Variants in PDE11A observed in about 807,000 individuals in gnomAD.
The protein encoded by PDE11A is phosphodiesterase 11A.
In PDE11A, 100 loss-of-function variants were observed where a neutral mutation model predicts 100.5. The ratio of observed to expected loss-of-function variants is 1.00; its 90% CI spans 0.85 to 1.18. The LOEUF (loss-of-function observed/expected upper bound fraction) is 1.18. PDE11A is among the 50% of genes most tolerant of loss of function. The pLI is 0.00. For synonymous variants in PDE11A, 381 were observed against 420.8 expected, an observed-to-expected ratio of 0.91 and a Z score of 1.16; for missense variants, 1,141 against 1,152.6, an observed-to-expected ratio of 0.99 and a Z score of 0.15.
At chr2:178,001,311 T>TGTGTGTGTGTGTGTGTG (rs59287027) in intron 2 of PDE11A, among the ~76,000 whole-genome samples, 7 of 148,010 alleles carry the variant, frequency 4.7e-5, no homozygotes, top group African/African-American at 1.5e-4. Flanking sequence ...TGTGTGTGTG[T>TGTGTGTGTGTGTGTGTG]AGTAGGTTTA....
At chr2:178,083,476 A>C (rs1360052922) in intron 2 of PDE11A, among the ~76,000 whole-genome samples, 1 of 152,226 alleles carries the variant, frequency 6.6e-6, no homozygotes, top group Non-Finnish European at 1.5e-5. Flanking sequence ...ATAAAAACAA[A>C]AATTTTTTTA....
At chr2:178,000,462 C>T (rs2086130795) in intron 2 of PDE11A, among the ~76,000 whole-genome samples, 1 of 152,194 alleles carries the variant, frequency 6.6e-6, no homozygotes. Context: ...CAATCAAATG[C>T]TATTTGCAAA....
At position 177,682,791 on chromosome 2, in the gene PDE11A, A is replaced by G. The variant is rs150331573; in HGVS notation, c.2346-1888T>C. Among the ~76,000 whole-genome samples, 19 of 152,336 alleles carry G rather than the reference A, an allele frequency of 1.2e-4. No homozygotes were observed. The East Asian group carries it at 3.5e-3, about 28-fold the overall frequency. ...TATACCTCTCTTGGAGACACCATCT[A>G]TATTAGCCTTTGAAGTCTCTGAGAA... On this transcript the variant is annotated intron_variant, in intron 15 of 19. Coordinates refer to ENST00000286063, the MANE Select transcript of PDE11A (RefSeq NM_016953.4).
chr2:177,838,596 C>T (rs758942682), intron 6 of PDE11A, among the ~76,000 whole-genome samples: 2 of 152,130 alleles, frequency 1.3e-5, no homozygotes, highest in Non-Finnish European at 2.9e-5. Flanking sequence ...GCAGTCAGAT[C>T]TCCCCCAGAG....
chr2:177,747,620 C>A (rs1342338717), intron 10 of PDE11A, among the ~76,000 whole-genome samples: 9 of 152,224 alleles, frequency 5.9e-5, no homozygotes, highest in Admixed American at 5.9e-4. Context: ...TCCTTTTCAC[C>A]TTTCTCCTTT....
chr2:178,048,534 T>A (rs1432071452), intron 1 of PDE11A, among the ~76,000 whole-genome samples: 1 of 152,110 alleles, frequency 6.6e-6, no homozygotes, highest in Non-Finnish European at 1.5e-5. Flanking sequence ...AGTTATCTGA[T>A]GAGGGAATTA....
At chr2:177,782,495 C>T (rs185966133) in intron 9 of PDE11A, among the ~76,000 whole-genome samples, 17 of 152,328 alleles carry the variant, frequency 1.1e-4, no homozygotes, top group South Asian at 2.1e-4. Flanking sequence ...GTAAGATCAA[C>T]GTGAACCCCT....
intron 9 of PDE11A, among the ~76,000 whole-genome samples, chr2:177,804,779 T>C (rs569552440): frequency 3.6e-4 from 54 of 152,046 alleles, no homozygotes; most frequent in Admixed American, 2.7e-3. Flanking sequence ...TCTTTTGCAG[T>C]AACATAGATG....
At chr2:177,831,796 A>G (rs1171256525) in intron 6 of PDE11A, among the ~76,000 whole-genome samples, 3 of 152,226 alleles carry the variant, frequency 2.0e-5, no homozygotes, top group Non-Finnish European at 4.4e-5. Flanking sequence ...TAAACCACAG[A>G]AATTTTGAAG....
intron 5 of PDE11A, among the ~76,000 whole-genome samples, chr2:177,874,185 GC>G (rs1283122364): frequency 6.6e-6 from 1 of 152,184 alleles, no homozygotes; most frequent in East Asian, 1.9e-4. Flanking sequence ...GTCCTTGGTG[GC>G]TACCACTTGC....
intron 19 of PDE11A, among the ~76,000 whole-genome samples, chr2:177,640,739 G>T (rs561059232): frequency 6.6e-6 from 1 of 152,316 alleles, no homozygotes; most frequent in Non-Finnish European, 1.5e-5. Context: ...TTTATGGGTT[G>T]TAGAGGCCAG....
chr2:177,821,824 A>G (rs1440060805), intron 6 of PDE11A, among the ~76,000 whole-genome samples: 2 of 151,800 alleles, frequency 1.3e-5, no homozygotes, highest in African/African-American at 2.4e-5. Flanking sequence ...TAAATTTATA[A>G]TTTTCCTACT....
Position 177,842,765 on chromosome 2 carries a change from C to T in PDE11A, c.1368-2382G>A, listed in dbSNP as rs191207954. Among the ~76,000 whole-genome samples the T allele has an allele frequency of 2.0e-5, 3 of 152,324 alleles. No individual in the cohort carries two copies. In the East Asian group the frequency reaches 5.8e-4, roughly 29 times the overall value. ...TCTGTGGCCAGATAGCAGTGGCTTACATTTTGTTCCCGACTGCCTGTGGCC... is the reference window on the plus strand; with the variant it reads ...TCTGTGGCCAGATAGCAGTGGCTTATATTTTGTTCCCGACTGCCTGTGGCC... On this transcript the variant is annotated intron_variant, in intron 5 of 19. Coordinates refer to ENST00000286063, the MANE Select transcript of PDE11A (RefSeq NM_016953.4).
At chr2:178,017,443 A>C (rs1029924563) in intron 1 of PDE11A, among the ~76,000 whole-genome samples, 5 of 152,256 alleles carry the variant, frequency 3.3e-5, no homozygotes, top group African/African-American at 4.8e-5. Context: ...TGAAACAAAC[A>C]AGCAGCAGTC....
intron 6 of PDE11A, among the ~76,000 whole-genome samples, chr2:177,822,181 T>C (rs2083151499): frequency 6.6e-6 from 1 of 152,016 alleles, no homozygotes; most frequent in African/African-American, 2.4e-5. Flanking sequence ...CTCATGAAGA[T>C]ATTCTTCTGT....
intron 5 of PDE11A, among the ~76,000 whole-genome samples, chr2:177,863,063 C>T (rs1300965784): frequency 1.3e-5 from 2 of 151,744 alleles, no homozygotes; most frequent in African/African-American, 4.8e-5. Context: ...GATGAAAGCA[C>T]CAACAGGACA....
chr2:177,973,238 CGCGAGCCGAAGCAGG>C (rs1334035580), intron 2 of PDE11A, among the ~76,000 whole-genome samples: 1 of 134,314 alleles, frequency 7.4e-6, no homozygotes, highest in Admixed American at 7.5e-5. Flanking sequence ...GCGCACCGTG[CGCGAGCCGAAGCAGG>C]GCGAGGCATT....
chr2:178,036,890 T>A (rs1479620323), intron 1 of PDE11A, among the ~76,000 whole-genome samples: 3 of 152,112 alleles, frequency 2.0e-5, no homozygotes, highest in Non-Finnish European at 4.4e-5. Context: ...ATTAAAGACT[T>A]AAATGTAAAA....
At chr2:177,673,445 T>C (rs1036321859) in intron 17 of PDE11A, among the ~76,000 whole-genome samples, 1 of 152,190 alleles carries the variant, frequency 6.6e-6, no homozygotes, top group African/African-American at 2.4e-5. Context: ...CAGTGGGATT[T>C]TGGAGTTGCC....
Sources: allele counts gnomAD v4.1 joint callset (sites outside exome capture counted in the v4.1 genomes callset), GRCh38; gene constraint gnomAD v4.1.1; transcripts MANE v1.5; gene names NCBI Gene and HGNC (gene_info 2026-07-23, HGNC 2026-07-21).